ZBTB20: variants seen among roughly 807,000 people sequenced by gnomAD.
ZBTB20 encodes zinc finger and BTB domain containing 20.
ZBTB20 carries 9 observed loss-of-function variants against 56.9 expected under a neutral mutation model. The observed-to-expected ratio is 0.16, with a 90% CI of 0.10 to 0.28. ZBTB20 has a LOEUF of 0.28. Among genes scored for constraint, ZBTB20 ranks in the 10% least tolerant of loss-of-function variants. The probability of loss-of-function intolerance (pLI) is 1.00; values close to 1 mark genes in which losing one functional copy is unlikely to be tolerated. For missense variants in ZBTB20, 655 were observed against 1,003.0 expected (o/e 0.65, Z 4.69); for synonymous variants, 417 against 420.7 (o/e 0.99, Z 0.11).
intron 3 of ZBTB20, among the ~76,000 whole-genome samples, chr3:114,937,978 G>A (rs1463789827): frequency 2.0e-5 from 3 of 151,668 alleles, no homozygotes; most frequent in African/African-American, 4.8e-5. Flanking sequence ...GGCGCCTGTA[G>A]TCTGGGACTA....
intron 3 of ZBTB20, among the ~76,000 whole-genome samples, chr3:114,964,551 G>GT (rs2077575156): frequency 6.6e-6 from 1 of 152,190 alleles, no homozygotes; most frequent in African/African-American, 2.4e-5. Context: ...GAAATAGCAA[G>GT]TTTTTTCTGG....
chr3:114,414,946 C>T (rs1403904432), intron 7 of ZBTB20, among the ~76,000 whole-genome samples: 1 of 151,232 alleles, frequency 6.6e-6, no homozygotes, highest in Admixed American at 6.6e-5. Context: ...TTCTCTGCCG[C>T]CCCCCCGCAC....
intron 2 of ZBTB20, among the ~76,000 whole-genome samples, chr3:115,007,475 T>C (rs911962665): frequency 1.3e-5 from 2 of 151,946 alleles, no homozygotes; most frequent in Non-Finnish European, 1.5e-5. Context: ...TGAATACTTA[T>C]TTAACAATCG....
rs2079538529 is a variant in ZBTB20 at position 114,338,479 on chromosome 3, C to T, written c.*526G>A. ...GTAGGTGGAAAACAGCAGGGCCTTT[C>T]CTCTGGGTTTTCAACCAGAAGTGAT... On this transcript the variant is annotated 3_prime_UTR_variant, in exon 12 of 12. Coordinates refer to ENST00000675478, the MANE Select transcript of ZBTB20 (RefSeq NM_001348800.3). 1 of 152,338 alleles carries T rather than the reference C, an allele frequency of 6.6e-6. No individual in the cohort carries two copies. Among genetic ancestry groups the T allele is most frequent in the African/African-American group, 2.4e-5 (1 of 41,414 alleles). 9.4% of individuals were successfully genotyped at this position (152,338 alleles called of 1,614,324 possible). A position where few individuals can be genotyped will look rare whatever the true frequency, so the allele number is the denominator to read the frequency against.
chr3:114,772,817 T>A (rs747891330), intron 5 of ZBTB20, among the ~76,000 whole-genome samples: 1 of 152,112 alleles, frequency 6.6e-6, no homozygotes, highest in African/African-American at 2.4e-5. Flanking sequence ...CTGTGGTACA[T>A]GGCAAAATGT....
intron 6 of ZBTB20, among the ~76,000 whole-genome samples, chr3:114,642,148 A>G (rs2059594100): frequency 6.6e-6 from 1 of 152,014 alleles, no homozygotes; most frequent in African/African-American, 2.4e-5. Context: ...GGTAGGGTAA[A>G]AAGAGGAGTG....
At position 114,511,117 on chromosome 3, in the gene ZBTB20, G is replaced by A. The variant is rs557454163; in HGVS notation, c.-294-10726C>T. 1.3e-3 allele frequency among the ~76,000 whole-genome samples: 193 copies of A among 146,816 alleles called. 2 individuals are homozygous for A. In the East Asian group the frequency reaches 0.022, roughly 17 times the overall value. On this transcript the variant is annotated intron_variant, in intron 6 of 11. Coordinates refer to ENST00000675478, the MANE Select transcript of ZBTB20 (RefSeq NM_001348800.3). Reference sequence around the variant, plus strand: ...CCACATGCTAAAAAAAAAAAAAAAAGGCAACCTTTAAAGTTATGTGTATAG... The same window carrying A: ...CCACATGCTAAAAAAAAAAAAAAAAAGCAACCTTTAAAGTTATGTGTATAG...
chr3:115,131,332 T>C (rs6438231), intron 1 of ZBTB20, among the ~76,000 whole-genome samples: 14,218 of 152,114 alleles, frequency 0.093, 1,971 homozygotes, highest in African/African-American at 0.3. Context: ...TATTCAAGGA[T>C]CTTTGTAATT....
chr3:115,008,517 C>T (rs773425801), intron 2 of ZBTB20, among the ~76,000 whole-genome samples: 4 of 151,748 alleles, frequency 2.6e-5, no homozygotes, highest in Non-Finnish European at 4.4e-5. Context: ...TGTAAGTAAT[C>T]GTGAACAATG....
Position 114,772,412 on chromosome 3 carries a change from T to C in ZBTB20, c.-343+28689A>G, listed in dbSNP as rs890053743. On this transcript the variant is annotated intron_variant, in intron 5 of 11. Coordinates refer to ENST00000675478, the MANE Select transcript of ZBTB20 (RefSeq NM_001348800.3). ...TTCACTTGATCTGGGCTTACTTCCT[T>C]TTCCCAGCTGGGCTCTCTCTATGGT... Among the ~76,000 whole-genome samples the C allele has an allele frequency of 2.0e-5, 3 of 152,062 alleles. 1 individual carries two copies. The highest frequency in any genetic ancestry group is 2.0e-4 in the Admixed American group (3 of 15,224).
intron 5 of ZBTB20, among the ~76,000 whole-genome samples, chr3:114,767,434 A>C (rs1279603434): frequency 1.3e-5 from 2 of 152,046 alleles, no homozygotes; most frequent in Non-Finnish European, 2.9e-5. Flanking sequence ...CACAGCACTA[A>C]AATAAAATGG....
intron 4 of ZBTB20, among the ~76,000 whole-genome samples, chr3:114,861,051 G>GT (rs1214931056): frequency 2.6e-5 from 4 of 152,132 alleles, no homozygotes; most frequent in Admixed American, 6.5e-5. Flanking sequence ...TACACACCAA[G>GT]CTAAGTCCCA....
intron 4 of ZBTB20, among the ~76,000 whole-genome samples, chr3:114,820,905 T>C (rs1479530988): frequency 2.0e-5 from 3 of 152,164 alleles, no homozygotes; most frequent in Non-Finnish European, 4.4e-5. Context: ...CCTACATTGC[T>C]AATATTAATA....
chr3:114,534,056 G>A (rs547463924), intron 6 of ZBTB20, among the ~76,000 whole-genome samples: 2 of 152,160 alleles, frequency 1.3e-5, no homozygotes, highest in Admixed American at 6.5e-5. Flanking sequence ...AAAGACCATC[G>A]ACACTATGAA....
chr3:114,718,862 G>A (rs952750205), intron 5 of ZBTB20, among the ~76,000 whole-genome samples: 11 of 151,862 alleles, frequency 7.2e-5, no homozygotes, highest in African/African-American at 2.2e-4. Flanking sequence ...TGGGTCATGA[G>A]AACATAGTAG....
At chr3:114,496,593 A>G (rs938981135) in intron 7 of ZBTB20, among the ~76,000 whole-genome samples, 4 of 152,216 alleles carry the variant, frequency 2.6e-5, no homozygotes, top group African/African-American at 7.2e-5. Context: ...AACATAGTAC[A>G]TGAAACATAA....
intron 2 of ZBTB20, among the ~76,000 whole-genome samples, chr3:115,056,846 G>T (rs2081810550): frequency 6.6e-6 from 1 of 152,058 alleles, no homozygotes; most frequent in Non-Finnish European, 1.5e-5. Flanking sequence ...GAAGAGCAAA[G>T]AAGTAGAATA....
intron 10 of ZBTB20, among the ~76,000 whole-genome samples, chr3:114,372,140 G>T (rs897560855): frequency 6.6e-6 from 1 of 152,190 alleles, no homozygotes; most frequent in Non-Finnish European, 1.5e-5. Context: ...GATGTGAGAA[G>T]TCTTGACAGA....
chr3:115,103,586 G>C (rs191660316), intron 1 of ZBTB20, among the ~76,000 whole-genome samples: 62 of 152,288 alleles, frequency 4.1e-4, no homozygotes, highest in African/African-American at 1.4e-3. Context: ...AAAAGGAAAA[G>C]CAATACAATG....
Sources: allele counts gnomAD v4.1 joint callset (sites outside exome capture counted in the v4.1 genomes callset), GRCh38; gene constraint gnomAD v4.1.1; transcripts MANE v1.5; gene names NCBI Gene and HGNC (gene_info 2026-07-23, HGNC 2026-07-21).